Variants in KCNC2 observed in about 807,000 individuals in gnomAD.
KCNC2 encodes the protein voltage-gated potassium channel KCNC2.
A neutral mutation model predicts 44.5 loss-of-function variants in KCNC2; 21 were observed. The observed-to-expected ratio is 0.47, with a 90% CI of 0.33 to 0.68. KCNC2 has a LOEUF of 0.68. Ranked by LOEUF, KCNC2 falls within the 30% of genes least tolerant of loss-of-function variation. The pLI is 0.01. For missense variants in KCNC2, 589 were observed against 826.2 expected (o/e 0.71, Z 3.52); for synonymous variants, 391 against 339.1 (o/e 1.15, Z -1.68).
intron 2 of KCNC2, among the ~76,000 whole-genome samples, chr12:75,148,658 T>G (rs543573037): frequency 6.6e-6 from 1 of 152,138 alleles, no homozygotes; most frequent in Admixed American, 6.6e-5. Flanking sequence ...TACATTACTT[T>G]TTTGTTAACC....
At position 75,042,188 on chromosome 12, in the gene KCNC2, T is replaced by C. The variant is rs1879981093; in HGVS notation, c.*917A>G. 2 of 1,312,898 alleles carry C rather than the reference T, an allele frequency of 1.5e-6. No homozygotes were observed. The highest frequency in any genetic ancestry group is 2.0e-6 in the Non-Finnish European group (2 of 1,023,570). 81.3% of individuals were successfully genotyped at this position (1,312,898 alleles called of 1,614,324 possible). On this transcript the variant is annotated 3_prime_UTR_variant, in exon 5 of 5. Transcript: ENST00000549446. ...ATATTTGGCACTCTGCCTCTGAAAA[T>C]GATGACAAACCCTGGGTATTTTTTT...
chr12:75,201,400 T>C (rs1435511175), intron 2 of KCNC2, among the ~76,000 whole-genome samples: 4 of 147,496 alleles, frequency 2.7e-5, no homozygotes, highest in African/African-American at 4.9e-5. Context: ...TCTTTAGCAA[T>C]AATTATCCTA....
chr12:75,050,074 A>G (rs1880999809), intron 3 of KCNC2, among the ~76,000 whole-genome samples: 2 of 152,056 alleles, frequency 1.3e-5, no homozygotes. Context: ...ATACCATCAC[A>G]TCGTGCAGGG....
chr12:75,179,067 A>G (rs932053096), intron 2 of KCNC2, among the ~76,000 whole-genome samples: 4 of 152,092 alleles, frequency 2.6e-5, no homozygotes, highest in South Asian at 2.1e-4. Flanking sequence ...TACTAAAAGA[A>G]AAAAGATAAT....
At chr12:75,072,429 T>G (rs575250163) in intron 2 of KCNC2, among the ~76,000 whole-genome samples, 1 of 152,278 alleles carries the variant, frequency 6.6e-6, no homozygotes, top group South Asian at 2.1e-4. Context: ...TTATCTTCAA[T>G]TATTTAAAAA....
chr12:75,098,344 CTGGT>C, intron 2 of KCNC2, among the ~76,000 whole-genome samples: 1 of 152,224 alleles, frequency 6.6e-6, no homozygotes, highest in Middle Eastern at 3.4e-3. Flanking sequence ...TCACATTACT[CTGGT>C]TGGTTGATTT....
chr12:75,177,124 G>T (rs1328952929), intron 2 of KCNC2, among the ~76,000 whole-genome samples: 2 of 149,572 alleles, frequency 1.3e-5, no homozygotes, highest in Non-Finnish European at 3.0e-5. Flanking sequence ...ATTGTTTTAG[G>T]GAGTGTTAGT....
chr12:75,207,660 C>T lies in KCNC2; in HGVS notation c.324G>A (p.Pro108=). ...AATTGAGCACATAGGCGAAGACGCC[C>T]GGGTGCCGGTCGAAGAAGAACTCGC... The part of the protein sequence containing the change: ...GGREFFFDRH[P]GVFAYVLNYY... The change falls in exon 2 of 5, where the codon CCG becomes CCA. Residue 108 remains proline (P), a synonymous_variant. Transcript: ENST00000549446. The surrounding 1 kb of genome is among the most constrained non-coding windows in gnomAD (Gnocchi z 4.1). The T allele has an allele frequency of 6.2e-7, 1 of 1,610,928 alleles. No individual in the cohort carries two copies. Among genetic ancestry groups the T allele is most frequent in the South Asian group, 1.1e-5 (1 of 90,838 alleles).
chr12:75,043,532 C>T, intron 4 of KCNC2: 1 of 1,213,486 alleles, frequency 8.2e-7, no homozygotes, highest in Non-Finnish European at 1.1e-6. Flanking sequence ...AATACTAGAA[C>T]TCATTTAAAA....
At chr12:75,083,139 T>C (rs926521626) in intron 2 of KCNC2, among the ~76,000 whole-genome samples, 5 of 151,458 alleles carry the variant, frequency 3.3e-5, no homozygotes. Flanking sequence ...CTAAAATAAA[T>C]ATTTAATATT....
chr12:75,139,920 A>G, intron 2 of KCNC2, among the ~76,000 whole-genome samples: 1 of 152,188 alleles, frequency 6.6e-6, no homozygotes, highest in East Asian at 1.9e-4. Flanking sequence ...ATCTTCCCTA[A>G]TTTCTTCATA....
chr12:75,115,395 C>T (rs7959097), intron 2 of KCNC2, among the ~76,000 whole-genome samples: 22,319 of 152,184 alleles, frequency 0.15, 1,917 homozygotes, highest in Middle Eastern at 0.26. Flanking sequence ...CTGAGAGATG[C>T]TGATCATACA....
intron 2 of KCNC2, among the ~76,000 whole-genome samples, chr12:75,087,996 GA>G (rs34692922): frequency 2.3e-4 from 35 of 149,558 alleles, no homozygotes; most frequent in East Asian, 5.9e-4. Context: ...ATCAGTTATG[GA>G]AAAAAAAAAT....
Position 75,207,194 on chromosome 12 carries a change from T to C in KCNC2, c.687+103A>G. On this transcript the variant is annotated intron_variant, in intron 2 of 4. Transcript: ENST00000549446. This position sits in a 1 kb window ranked among gnomAD's most constrained non-coding sequence, Gnocchi z 4.1. ...TATCGCTAGGAAATCCCGGGTCTCT[T>C]CTACCCCCCATGCCTGAGGCCCTGG... is the stretch of plus-strand genomic sequence containing the variant. 6.8e-7 allele frequency: 1 copy of C among 1,468,522 alleles called. No individual in the cohort carries two copies. The highest frequency in any genetic ancestry group is 2.5e-5 in the East Asian group (1 of 39,770). 91.0% of individuals were successfully genotyped at this position (1,468,522 alleles called of 1,614,324 possible). A position where few individuals can be genotyped will look rare whatever the true frequency, so the allele number is the denominator to read the frequency against.
At chr12:75,080,637 T>C (rs947728536) in intron 2 of KCNC2, among the ~76,000 whole-genome samples, 1 of 152,120 alleles carries the variant, frequency 6.6e-6, no homozygotes, top group Non-Finnish European at 1.5e-5. Context: ...TTCAAGATGT[T>C]ATTGTCCTTC....
At chr12:75,177,032 TTA>T (rs3073537) in intron 2 of KCNC2, among the ~76,000 whole-genome samples, 42,136 of 139,700 alleles carry the variant, frequency 0.3, 6,191 homozygotes, top group Middle Eastern at 0.39. Context: ...GCTGCAAGTT[TTA>T]TATATATATA....
chr12:75,180,084 C>T lies in KCNC2; in HGVS notation c.687+27213G>A, dbSNP rs909519510. On this transcript the variant is annotated intron_variant, in intron 2 of 4. Coordinates refer to ENST00000549446, the MANE Select transcript of KCNC2 (RefSeq NM_139137.4). The stretch of plus-strand genomic sequence containing the variant: ...CTTTATTATCAAAGGAATATATTGT[C>T]AACATAGTAATTTTAAATATAGACA... Among the ~76,000 whole-genome samples, 15 of 151,830 alleles carry T rather than the reference C, an allele frequency of 9.9e-5. 1 individual carries two copies. The highest frequency in any genetic ancestry group is 9.2e-4 in the Admixed American group (14 of 15,242).
At chr12:75,202,947 T>C (rs2031406403) in intron 2 of KCNC2, among the ~76,000 whole-genome samples, 1 of 151,730 alleles carries the variant, frequency 6.6e-6, no homozygotes, top group Non-Finnish European at 1.5e-5. Context: ...TTATATCTTC[T>C]CCATGCATTC....
intron 2 of KCNC2, among the ~76,000 whole-genome samples, chr12:75,125,367 C>A (rs903039838): frequency 3.9e-5 from 6 of 152,048 alleles, no homozygotes; most frequent in Non-Finnish European, 4.4e-5. Context: ...TTAGACAAAC[C>A]GCTTTTGACT....
Sources: gnomAD v4.1 joint callset for allele counts (sites outside exome capture counted in the v4.1 genomes callset) on GRCh38, gnomAD v4.1.1 for gene constraint, Gnocchi (gnomAD v3.1) non-coding constraint, MANE v1.5 for transcripts, NCBI Gene and HGNC (gene_info 2026-07-23, HGNC 2026-07-21) for gene names.